The following PALS2 variants were observed in gnomAD, a reference collection of about 807,000 sequenced individuals.
PALS2 encodes the protein protein PALS2.
PALS2 carries 27 observed loss-of-function variants against 61.6 expected under a neutral mutation model. The observed-to-expected ratio is 0.44, with a 90% CI of 0.32 to 0.60. The LOEUF is 0.60. Ranked by LOEUF, PALS2 falls within the 20% of genes least tolerant of loss-of-function variation. The pLI, the probability that PALS2 is intolerant of heterozygous loss-of-function variation, is 0.05. For synonymous variants in PALS2, 236 were observed against 218.6 expected, an observed-to-expected ratio of 1.08 and a Z score of -0.70; for missense variants, 554 against 639.4, an observed-to-expected ratio of 0.87 and a Z score of 1.44.
rs547022790 is a variant in PALS2 at position 24,628,129 on chromosome 7, G to C, written c.117+4345G>C. Among the ~76,000 whole-genome samples, 36 of 152,278 alleles carry C rather than the reference G, an allele frequency of 2.4e-4. No individual in the cohort carries two copies. In the South Asian group the frequency reaches 3.5e-3, roughly 15 times the overall value. The stretch of plus-strand genomic sequence containing the variant: ...TGTGAAAATCCTCAATAAAATACTG[G>C]CAAACCGAATCCAGCAGCACATTAA... On this transcript the variant is annotated intron_variant, in intron 2 of 11. Transcript: ENST00000222644.
rs70942878 is a variant in PALS2 at position 24,691,405 on chromosome 7, G to GTATATA, written c.*3826_*3831dup. 9.6e-3 allele frequency: 1,057 copies of GTATATA among 110,300 alleles called. 10 individuals are homozygous for GTATATA. Among genetic ancestry groups the GTATATA allele is most frequent in the Non-Finnish European group, 0.015 (802 of 52,136 alleles). 6.8% of individuals were successfully genotyped at this position (110,300 alleles called of 1,614,324 possible). On this transcript the variant is annotated 3_prime_UTR_variant, in exon 12 of 12. Coordinates refer to ENST00000222644, the MANE Select transcript of PALS2 (RefSeq NM_001303037.2). ...ATATTATGTATGTGTGTGTGTGTGT[G>GTATATA]TATATATATATATATATATATATAT...
chr7:24,623,823 G>A (rs1427593105), intron 2 of PALS2, 39 bp downstream of exon 2: 2 of 1,406,842 alleles, frequency 1.4e-6, no homozygotes, highest in African/African-American at 1.4e-5. Context: ...AATTATTTTG[G>A]ACTTAGTTTT....
rs771751241 is a variant in PALS2 at position 24,679,297 on chromosome 7, A to C, written c.1281A>C (p.Gln427His). 2 of 1,614,056 alleles carry C rather than the reference A, an allele frequency of 1.2e-6. No individual in the cohort carries two copies. The highest frequency in any genetic ancestry group is 8.5e-7 in the Non-Finnish European group (1 of 1,179,920). The change falls in exon 10 of 12, where the codon CAA (glutamine) becomes CAC (histidine). Residue 427 changes from glutamine (Q) to histidine (H), a missense_variant. Transcript: ENST00000222644. Reference sequence around the variant, plus strand: ...TTGATTCTATTCTTGAGGTTGTCCAAACTGGACGGACTTGCATTCTGGATG... The same window carrying C: ...TTGATTCTATTCTTGAGGTTGTCCACACTGGACGGACTTGCATTCTGGATG... Reference protein sequence around the residue: ...TKIDSILEVVQTGRTCILDVN... With the variant: ...TKIDSILEVVHTGRTCILDVN...
intron 3 of PALS2, among the ~76,000 whole-genome samples, chr7:24,643,003 G>C (rs1471123869): frequency 6.6e-6 from 1 of 152,070 alleles, no homozygotes; most frequent in South Asian, 2.1e-4. Context: ...ATGGCAGTAC[G>C]TATAGATAGA....
intron 1 of PALS2, among the ~76,000 whole-genome samples, chr7:24,602,524 T>C (rs1373672433): frequency 1.3e-5 from 2 of 152,162 alleles, no homozygotes; most frequent in African/African-American, 4.8e-5. Flanking sequence ...CTGTAGACTA[T>C]GAAGAAGACT....
intron 1 of PALS2, among the ~76,000 whole-genome samples, chr7:24,592,360 T>C (rs1783320924): frequency 6.6e-6 from 1 of 152,034 alleles, no homozygotes; most frequent in African/African-American, 2.4e-5. Flanking sequence ...TGGCAAATGG[T>C]CCAGAGTGGT....
chr7:24,608,929 C>T (rs971525692), intron 1 of PALS2, among the ~76,000 whole-genome samples: 1 of 152,104 alleles, frequency 6.6e-6, no homozygotes, highest in Non-Finnish European at 1.5e-5. Flanking sequence ...TTAAATTTGA[C>T]AATAATGTTT....
At chr7:24,600,421 C>T (rs1783676812) in intron 1 of PALS2, among the ~76,000 whole-genome samples, 1 of 152,048 alleles carries the variant, frequency 6.6e-6, no homozygotes, top group Non-Finnish European at 1.5e-5. Flanking sequence ...CATGTCATTT[C>T]CCCCTGAATC....
At chr7:24,585,844 G>A (rs1009864090) in intron 1 of PALS2, among the ~76,000 whole-genome samples, 15 of 152,020 alleles carry the variant, frequency 9.9e-5, no homozygotes, top group Non-Finnish European at 1.8e-4. Context: ...GACTCCAGGC[G>A]CCCGCCACCT....
chr7:24,672,196 CTGTTTTGTTT>C (rs57538997), intron 9 of PALS2, among the ~76,000 whole-genome samples: 4,799 of 145,158 alleles, frequency 0.033, 223 homozygotes, highest in African/African-American at 0.1. Context: ...CTACTGCCAT[CTGTTTTGTTT>C]TGTTTTGTTT....
chr7:24,582,627 G>C (rs1441605891), intron 1 of PALS2, among the ~76,000 whole-genome samples: 3 of 151,628 alleles, frequency 2.0e-5, no homozygotes, highest in Admixed American at 6.6e-5. Flanking sequence ...TTATTTACTA[G>C]AATATGTATG....
At chr7:24,595,424 T>TA (rs975679596) in intron 1 of PALS2, among the ~76,000 whole-genome samples, 1 of 141,404 alleles carries the variant, frequency 7.1e-6, no homozygotes, top group African/African-American at 2.6e-5. Flanking sequence ...TATAAATATA[T>TA]AAAAAATATA....
intron 6 of PALS2, among the ~76,000 whole-genome samples, chr7:24,664,691 A>C (rs1044546601): frequency 6.6e-6 from 1 of 152,182 alleles, no homozygotes; most frequent in Non-Finnish European, 1.5e-5. Context: ...TGAGACAGCT[A>C]AGAAATGGGT....
chr7:24,591,002 C>G (rs550143094), intron 1 of PALS2, among the ~76,000 whole-genome samples: 10 of 152,182 alleles, frequency 6.6e-5, no homozygotes, highest in African/African-American at 1.7e-4. Flanking sequence ...TCCTAAACTT[C>G]TGGTTTGCTA....
rs1206138321 is a variant in PALS2 at position 24,650,696 on chromosome 7, C to G, written c.635C>G (p.Thr212Ser). The G allele has an allele frequency of 1.9e-6, 3 of 1,582,046 alleles. No homozygotes were observed. The highest frequency in any genetic ancestry group is 4.5e-5 in the East Asian group (2 of 44,624). Residue 212 changes from threonine (T) to serine (S), a missense_variant, in exon 5 of 12, where the codon ACC becomes AGC. Physicochemically the swap from Thr to Ser is moderately conservative, Grantham distance 58. Transcript: ENST00000222644. Reference protein sequence around the residue: ...TLKILPSYRDTITPQQVFVKC... With the variant: ...TLKILPSYRDSITPQQVFVKC... ...AAAATCTTACCAAGTTATAGAGATA[C>G]CATTACTCCTCAACAGGTTAGTAAT...
At chr7:24,579,586 G>A (rs996346000) in intron 1 of PALS2, among the ~76,000 whole-genome samples, 1 of 151,650 alleles carries the variant, frequency 6.6e-6, no homozygotes, top group Non-Finnish European at 1.5e-5. Context: ...TTCTACCCCA[G>A]TACTGGTAAA....
intron 1 of PALS2, among the ~76,000 whole-genome samples, chr7:24,583,067 G>A (rs894370597): frequency 2.0e-5 from 3 of 151,358 alleles, no homozygotes; most frequent in African/African-American, 7.3e-5. Context: ...GCTAATTTTT[G>A]TATTTTTAGT....
At chr7:24,582,201 C>T (rs1474991473) in intron 1 of PALS2, among the ~76,000 whole-genome samples, 1 of 152,060 alleles carries the variant, frequency 6.6e-6, no homozygotes, top group African/African-American at 2.4e-5. Context: ...TGGGGTCTTC[C>T]CAAAGCATCA....
chr7:24,669,748 G>GC (rs1168236448), intron 9 of PALS2, among the ~76,000 whole-genome samples: 1 of 152,078 alleles, frequency 6.6e-6, no homozygotes, highest in Non-Finnish European at 1.5e-5. Flanking sequence ...CCTTGTCATT[G>GC]CCCCCCTGTG....
Sources: allele counts gnomAD v4.1 joint callset (sites outside exome capture counted in the v4.1 genomes callset), GRCh38; gene constraint gnomAD v4.1.1; transcripts MANE v1.5; gene names NCBI Gene and HGNC (gene_info 2026-07-23, HGNC 2026-07-21).